Variants in SDK1 observed in about 807,000 individuals in gnomAD.
SDK1 encodes sidekick cell adhesion molecule 1, also known as protein sidekick-1.
In SDK1, 157 loss-of-function variants were observed where a neutral mutation model predicts 245.5. The ratio of observed to expected loss-of-function variants is 0.64; its 90% CI spans 0.56 to 0.73. SDK1 has a LOEUF of 0.73. Among genes scored for constraint, SDK1 ranks in the 30% least tolerant of loss-of-function variants. SDK1 has a pLI of 0.00. For synonymous variants in SDK1, 1,647 were observed against 1,278.5 expected (o/e 1.29, Z -6.15); for missense variants, 3,583 against 3,002.3 (o/e 1.19, Z -4.52).
chr7:3,744,139 T>A (rs1189482327), intron 4 of SDK1, among the ~76,000 whole-genome samples: 1 of 152,096 alleles, frequency 6.6e-6, no homozygotes, highest in Non-Finnish European at 1.5e-5. Flanking sequence ...TTGAATGCTA[T>A]TCCTAAGATT....
chr7:3,656,872 C>A (rs548597897), intron 4 of SDK1, among the ~76,000 whole-genome samples: 3 of 152,172 alleles, frequency 2.0e-5, no homozygotes, highest in African/African-American at 7.2e-5. Context: ...CTCAGCCTCC[C>A]GAGTAGCTGG....
intron 1 of SDK1, among the ~76,000 whole-genome samples, chr7:3,390,130 T>C (rs1423742742): frequency 5.3e-5 from 8 of 152,326 alleles, no homozygotes; most frequent in South Asian, 2.1e-4. Flanking sequence ...TTGAAGGTAC[T>C]GCTTGGATTC....
chr7:3,405,791 A>ATTTTC (rs1175721447), intron 1 of SDK1, among the ~76,000 whole-genome samples: 158 of 144,490 alleles, frequency 1.1e-3, no homozygotes, highest in African/African-American at 3.8e-3. Context: ...GTTGTGCTTA[A>ATTTTC]TTTTCTTTTC....
chr7:3,595,368 A>G (rs1335062709), intron 1 of SDK1, among the ~76,000 whole-genome samples: 1 of 152,154 alleles, frequency 6.6e-6, no homozygotes, highest in Admixed American at 6.5e-5. Context: ...TGAAATATAT[A>G]TTAATAGCTA....
chr7:3,736,262 G>A (rs1779315338), intron 4 of SDK1, among the ~76,000 whole-genome samples: 1 of 151,948 alleles, frequency 6.6e-6, no homozygotes, highest in Admixed American at 6.6e-5. Flanking sequence ...TTTATTTTCT[G>A]TTCTTTTAAA....
chr7:3,668,124 C>A (rs1783592341), intron 4 of SDK1, among the ~76,000 whole-genome samples: 1 of 152,170 alleles, frequency 6.6e-6, no homozygotes, highest in African/African-American at 2.4e-5. Context: ...TTTAGACATG[C>A]AAGCCATTCT....
intron 1 of SDK1, among the ~76,000 whole-genome samples, chr7:3,478,589 G>A (rs1416874557): frequency 6.6e-6 from 1 of 151,756 alleles, no homozygotes; most frequent in Non-Finnish European, 1.5e-5. Context: ...GCATTTGTGT[G>A]GGCCTTTTTC....
intron 5 of SDK1, among the ~76,000 whole-genome samples, chr7:3,878,140 GAGAGA>G (rs753229937): frequency 1.3e-5 from 2 of 152,160 alleles, no homozygotes; most frequent in Non-Finnish European, 2.9e-5. Flanking sequence ...TTTGATAAAT[GAGAGA>G]AGTTTCTCCC....
At chr7:3,867,602 C>T (rs536034260) in intron 5 of SDK1, among the ~76,000 whole-genome samples, 33 of 152,218 alleles carry the variant, frequency 2.2e-4, no homozygotes, top group East Asian at 1.2e-3. Flanking sequence ...CATCAGATCT[C>T]GTGAGACTTA....
At chr7:3,739,240 C>T (rs970000849) in intron 4 of SDK1, among the ~76,000 whole-genome samples, 1 of 152,126 alleles carries the variant, frequency 6.6e-6, no homozygotes, top group African/African-American at 2.4e-5. Flanking sequence ...TGCCATTTAA[C>T]AGCTTTACTT....
chr7:3,498,845 C>T (rs111468317), intron 1 of SDK1, among the ~76,000 whole-genome samples: 24 of 151,346 alleles, frequency 1.6e-4, no homozygotes, highest in Non-Finnish European at 4.4e-5. Flanking sequence ...ACTGAAGTCT[C>T]TTTTTTGGGC....
chr7:3,893,872 A>G (rs1253959281), intron 5 of SDK1, among the ~76,000 whole-genome samples: 2 of 152,036 alleles, frequency 1.3e-5, no homozygotes, highest in Non-Finnish European at 2.9e-5. Context: ...GCCACTTGGA[A>G]TATTTATTGT....
chr7:3,308,554 G>A (rs986950964), intron 1 of SDK1, among the ~76,000 whole-genome samples: 2 of 147,730 alleles, frequency 1.4e-5, no homozygotes, highest in African/African-American at 5.3e-5. Flanking sequence ...AAAACAGATA[G>A]TCAGGTAAAT....
chr7:4,127,725 G>A (rs1441388422), intron 26 of SDK1, among the ~76,000 whole-genome samples: 1 of 152,254 alleles, frequency 6.6e-6, no homozygotes, highest in Non-Finnish European at 1.5e-5. Context: ...GGCACCAGAA[G>A]AAAAGCACAG....
chr7:4,237,541 G>A (rs972097251), intron 41 of SDK1, 106 bp from the exon 42 acceptor site: 6 of 1,285,770 alleles, frequency 4.7e-6, no homozygotes, highest in South Asian at 2.6e-5. Flanking sequence ...ACCTGTAACT[G>A]GGAGTTATCT....
rs190747669 is a variant in SDK1, at chr7:3,603,590, G to T, written c.299-15490G>T. 3.3e-5 allele frequency among the ~76,000 whole-genome samples: 5 copies of T among 152,184 alleles called. No individual in the cohort carries two copies. The East Asian group carries it at 9.7e-4, about 29-fold the overall frequency. On this transcript the variant is annotated intron_variant, in intron 1 of 44. Transcript: ENST00000404826. The stretch of plus-strand genomic sequence containing the variant: ...GCTTGAGGAGATTTTGGGCTGAGAC[G>T]ATGGGGTTTTCTAGATATACAATCA...
In SDK1 at chr7:3,527,839, G is replaced by C. The variant is rs141041642; in HGVS notation, c.299-91241G>C. Among the ~76,000 whole-genome samples, 1,079 of 151,280 alleles carry C rather than the reference G, an allele frequency of 7.1e-3. 12 individuals are homozygous for C. The highest frequency in any genetic ancestry group is 8.3e-3 in the Non-Finnish European group (561 of 67,752). On this transcript the variant is annotated intron_variant, in intron 1 of 44. Transcript: ENST00000404826. ...GTAAGGTTGGATGATAGTCAGCTAG[G>C]GGGTGAGTGGTGGGAGGTGAGGCTG...
intron 1 of SDK1, among the ~76,000 whole-genome samples, chr7:3,566,179 C>A (rs879113516): frequency 3.3e-5 from 5 of 151,444 alleles, no homozygotes; most frequent in African/African-American, 1.2e-4. Context: ...AAAATTAAAC[C>A]CCAGCATTTT....
At chr7:4,201,781 G>C (rs573924060) in intron 35 of SDK1, among the ~76,000 whole-genome samples, 1 of 152,194 alleles carries the variant, frequency 6.6e-6, no homozygotes, top group Admixed American at 6.5e-5. Flanking sequence ...GGCAACAACA[G>C]ATTACTGGCA....
Sources: gnomAD v4.1 joint callset for allele counts (sites outside exome capture counted in the v4.1 genomes callset) on GRCh38, gnomAD v4.1.1 for gene constraint, MANE v1.5 for transcripts, NCBI Gene and HGNC (gene_info 2026-07-23, HGNC 2026-07-21) for gene names.